The following POLG variants were observed in gnomAD, a reference collection of about 807,000 sequenced individuals.
POLG encodes the protein DNA polymerase gamma, catalytic subunit, also known as DNA polymerase subunit gamma-1.
POLG carries 110 observed loss-of-function variants against 155.4 expected under a neutral mutation model. The observed-to-expected ratio is 0.71, with a 90% CI of 0.61 to 0.83. The LOEUF (loss-of-function observed/expected upper bound fraction) is 0.83, where lower values mean the gene tolerates loss of function less well. POLG is among the 40% of genes least tolerant of loss of function. The pLI, the probability that POLG is intolerant of heterozygous loss-of-function variation, is 0.00. For synonymous variants in POLG, 701 were observed against 631.5 expected, an observed-to-expected ratio of 1.11 and a Z score of -1.65; for missense variants, 1,685 against 1,627.5, an observed-to-expected ratio of 1.04 and a Z score of -0.61.
chr15:89,326,790 G>C (rs765779676), intron 8 of POLG, 52 bp from the exon 9 acceptor site: 8 of 1,613,032 alleles, frequency 5.0e-6, no homozygotes, highest in Middle Eastern at 1.7e-4. Flanking sequence ...CTCTCAATAA[G>C]ATCTGCTCCC....
rs374951133 is a variant in POLG, at chr15:89,323,531, A to C, written c.2158-20T>G. 1 of 1,475,528 alleles carries C rather than the reference A, an allele frequency of 6.8e-7. No individual in the cohort carries two copies. The highest frequency in any genetic ancestry group is 9.5e-7 in the Non-Finnish European group (1 of 1,053,454). 91.4% of individuals were successfully genotyped at this position (1,475,528 alleles called of 1,614,324 possible). A position where few individuals can be genotyped will look rare whatever the true frequency, so the allele number is the denominator to read the frequency against. On this transcript the variant is annotated intron_variant, in intron 12 of 22. Transcript: ENST00000268124. ...GGCAGTCTGTGAGGGCCACACACCT[A>C]TATCAGGCCCTGCTCCAGCACCTGC...
In POLG at chr15:89,322,765, C is replaced by G; in HGVS notation, c.2403G>C (p.Trp801Cys). ...ALEINKMISF[W>C]RNAHKRISSQ... ...ACCTGATACGTTTATGGGCGTTCCT[C>G]CAGAAAGAAATCATTTTGTTGATTT... Residue 801 changes from tryptophan to cysteine, a missense_variant, in exon 14 of 23, where the codon TGG (tryptophan) becomes TGC (cysteine). Coordinates refer to ENST00000268124, the MANE Select transcript of POLG (RefSeq NM_002693.3). 2.5e-6 allele frequency: 4 copies of G among 1,614,134 alleles called. No homozygotes were observed. The highest frequency in any genetic ancestry group is 3.4e-6 in the Non-Finnish European group (4 of 1,180,028).
At position 89,316,784 on chromosome 15, in the gene POLG, G is replaced by A. The variant is rs1483948890; in HGVS notation, c.3687C>T (p.Gly1229=). The change falls in exon 23 of 23, where the codon GGC becomes GGT. Residue 1229 remains glycine (G), a synonymous_variant. Transcript: ENST00000268124. ...DIYQIIELTK[G]SLEKRSQPGP ...CAGGCTGGCTTCGTTTTTCCAAGGAGCCTTTGGTGAGTTCAATTATCTGGT... is the reference window on the plus strand; with the variant it reads ...CAGGCTGGCTTCGTTTTTCCAAGGAACCTTTGGTGAGTTCAATTATCTGGT... 6.2e-7 allele frequency: 1 copy of A among 1,613,872 alleles called. No individual in the cohort carries two copies. The highest frequency in any genetic ancestry group is 1.3e-5 in the African/African-American group (1 of 74,906).
chr15:89,325,061 T>TGAGTGAGTGAGAGAGA (rs1187944784), intron 10 of POLG, among the ~76,000 whole-genome samples: 1 of 70,126 alleles, frequency 1.4e-5, no homozygotes, highest in African/African-American at 6.6e-5. Context: ...AGTGAGAGAG[T>TGAGTGAGTGAGAGAGA]GAGTGAGTGA....
At chr15:89,323,013 C>A in intron 13 of POLG, 111 bp from the exon 14 acceptor site, 1 of 1,104,494 alleles carries the variant, frequency 9.1e-7, no homozygotes, top group Non-Finnish European at 1.3e-6. Flanking sequence ...CCTCAGCAGT[C>A]TGAGGCAAAT....
intron 18 of POLG, among the ~76,000 whole-genome samples, chr15:89,320,297 CA>C (rs1367270127): frequency 6.6e-6 from 1 of 152,198 alleles, no homozygotes; most frequent in Non-Finnish European, 1.5e-5. Context: ...GCAGTACGAT[CA>C]GAGGAAACAA....
chr15:89,333,764 A>C lies in POLG; in HGVS notation c.-10T>G, dbSNP rs1596362985. 1 of 1,535,018 alleles carries C rather than the reference A, an allele frequency of 6.5e-7. No homozygotes were observed. Among genetic ancestry groups the C allele is most frequent in the Non-Finnish European group, 8.7e-7 (1 of 1,146,360 alleles). ...AGAGCAGGCGGCTCATGGTTGGTGCAGGGACCCCCACGCTGGGAGTCAGAA... is the reference window on the plus strand; with the variant it reads ...AGAGCAGGCGGCTCATGGTTGGTGCCGGGACCCCCACGCTGGGAGTCAGAA... On this transcript the variant is annotated 5_prime_UTR_variant, in exon 2 of 23. Coordinates refer to ENST00000268124, the MANE Select transcript of POLG (RefSeq NM_002693.3).
Position 89,333,281 on chromosome 15 carries a change from C to T in POLG, c.474G>A (p.Leu158=). The T allele has an allele frequency of 6.4e-7, 1 of 1,558,670 alleles. No homozygotes were observed. The highest frequency in any genetic ancestry group is 2.4e-5 in the East Asian group (1 of 41,776). The change falls in exon 2 of 23, where the codon TTG becomes TTA. Residue 158 remains leucine (L), a synonymous_variant. Transcript: ENST00000268124. The stretch of plus-strand genomic sequence containing the variant: ...GGGGCTTCGGGGGCAGCTGGGCCTG[C>T]AACAGCAAGTTGGCCGCCTCCAGGT... ...LPYLEAANLL[L]QAQLPPKPPA...
Position 89,319,103 on chromosome 15 carries a change from A to C in POLG, c.3105-4T>G. 1.2e-6 allele frequency: 2 copies of C among 1,614,128 alleles called. No homozygotes were observed. The highest frequency in any genetic ancestry group is 2.2e-5 in the South Asian group (2 of 91,080). On this transcript the variant is annotated splice_polypyrimidine_tract_variant and splice_region_variant and intron_variant, in intron 19 of 22. Coordinates refer to ENST00000268124, the MANE Select transcript of POLG (RefSeq NM_002693.3). ...CTCCCACTTCTTCCACTGTGACCTA[A>C]GGGACCAGAAACAGAGGGCAGACTT...
At chr15:89,329,240 C>G in intron 3 of POLG, 130 bp from the exon 4 acceptor site, 1 of 728,198 alleles carries the variant, frequency 1.4e-6, no homozygotes, top group Non-Finnish European at 2.4e-6. Flanking sequence ...TCCCAGCACA[C>G]AGCCTTCAAC....
At chr15:89,320,347 T>C (rs1281412070) in intron 18 of POLG, among the ~76,000 whole-genome samples, 5 of 152,158 alleles carry the variant, frequency 3.3e-5, no homozygotes, top group Non-Finnish European at 7.4e-5. Flanking sequence ...GGCCTGGTAA[T>C]GCTTTCTCCA....
At chr15:89,319,462 G>A (rs1482046540) in intron 18 of POLG, 112 bp from the exon 19 acceptor site, 2 of 1,411,434 alleles carry the variant, frequency 1.4e-6, no homozygotes, top group Non-Finnish European at 2.0e-6. Flanking sequence ...CTGACATCAT[G>A]CCAGTCCCCT....
At chr15:89,320,675 G>A (rs2152060829) in intron 18 of POLG, 91 bp downstream of exon 18, 1 of 1,431,318 alleles carries the variant, frequency 7.0e-7, no homozygotes, top group African/African-American at 1.4e-5. Flanking sequence ...TTCAAGTAAT[G>A]GGCAGGAGAT....
chr15:89,322,416 C>T (rs2055409429), intron 14 of POLG, among the ~76,000 whole-genome samples: 1 of 152,204 alleles, frequency 6.6e-6, no homozygotes, highest in Non-Finnish European at 1.5e-5. Flanking sequence ...ACTAGAAGAC[C>T]CAGCTCCCAG....
In POLG at chr15:89,332,034, G is replaced by A. The variant is rs571410181; in HGVS notation, c.659+1062C>T. Among the ~76,000 whole-genome samples, 5 of 152,304 alleles carry A rather than the reference G, an allele frequency of 3.3e-5. No individual in the cohort carries two copies. The East Asian group carries it at 9.6e-4, about 29-fold the overall frequency. ...ACAGATCAAAAAACAAATCTTTCTT[G>A]TCACTGGTTTCCTAATTTTCTTTCA... On this transcript the variant is annotated intron_variant, in intron 2 of 22. Coordinates refer to ENST00000268124, the MANE Select transcript of POLG (RefSeq NM_002693.3).
Position 89,318,929 on chromosome 15 carries a change from A to G in POLG, c.3273+2T>C. 1 of 1,613,692 alleles carries G rather than the reference A, an allele frequency of 6.2e-7. No homozygotes were observed. Among genetic ancestry groups the G allele is most frequent in the South Asian group, 1.1e-5 (1 of 91,062 alleles). On this transcript the variant is annotated splice_donor_variant, in intron 20 of 22. Coordinates refer to ENST00000268124, the MANE Select transcript of POLG (RefSeq NM_002693.3). LOFTEE classifies it high-confidence loss of function. ...GCCCATGCTCCAAAGGTAGCAAGAT[A>G]CCTCTTCCTGGACAGCCGAGGGCTC...
At position 89,316,513 on chromosome 15, in the gene POLG, A is replaced by ACAAG; in HGVS notation, c.*234_*237dup. 4 of 1,542,036 alleles carry ACAAG rather than the reference A, an allele frequency of 2.6e-6. No individual in the cohort carries two copies. The highest frequency in any genetic ancestry group is 3.5e-6 in the Non-Finnish European group (4 of 1,129,478). ...GGGGCTTCTGCTTCATTTTTACCCAACAAGCAACAATGCCCCTTGTCCTGT... is the reference window on the plus strand; with the variant it reads ...GGGGCTTCTGCTTCATTTTTACCCAACAAGCAAGCAACAATGCCCCTTGTCCTGT... On this transcript the variant is annotated 3_prime_UTR_variant, in exon 23 of 23. Transcript: ENST00000268124.
At position 89,316,746 on chromosome 15, in the gene POLG, C is replaced by T; in HGVS notation, c.*5G>A. Reference sequence around the variant, plus strand: ...CGGGAGCAAATACAGAGCCTCCAGGCAGTGCTATGGTCCAGGCTGGCTTCG... The same window carrying T: ...CGGGAGCAAATACAGAGCCTCCAGGTAGTGCTATGGTCCAGGCTGGCTTCG... On this transcript the variant is annotated 3_prime_UTR_variant, in exon 23 of 23. Coordinates refer to ENST00000268124, the MANE Select transcript of POLG (RefSeq NM_002693.3). 6.2e-7 allele frequency: 1 copy of T among 1,608,222 alleles called. No homozygotes were observed.
In POLG at chr15:89,330,107, G is replaced by C; in HGVS notation, c.829C>G (p.His277Asp). Residue 277 changes from histidine (H) to aspartate (D), a missense_variant, in exon 3 of 23, where the codon CAT becomes GAT. His to Asp is a moderately conservative substitution (Grantham distance 81, BLOSUM62 -1). Coordinates refer to ENST00000268124, the MANE Select transcript of POLG (RefSeq NM_002693.3). ...TGGATCAGGTACTGCTCCCTGATAT[G>C]AGCTCGGTCAAAGGAAACATTGTGC... is the stretch of plus-strand genomic sequence containing the variant. ...VGHNVSFDRA[H>D]IREQYLIQGS... 6.2e-7 allele frequency: 1 copy of C among 1,614,154 alleles called. No individual in the cohort carries two copies. The highest frequency in any genetic ancestry group is 8.5e-7 in the Non-Finnish European group (1 of 1,180,034).
Sources: allele counts gnomAD v4.1 joint callset (sites outside exome capture counted in the v4.1 genomes callset), GRCh38; gene constraint gnomAD v4.1.1; transcripts MANE v1.5; gene names NCBI Gene and HGNC (gene_info 2026-07-23, HGNC 2026-07-21).